ADIPOR2: variants seen among roughly 807,000 people sequenced by gnomAD.
ADIPOR2 encodes the protein adiponectin receptor protein 2.
ADIPOR2 carries 18 observed loss-of-function variants against 40.9 expected under a neutral mutation model. That is an observed-to-expected ratio of 0.44 (90% confidence interval 0.30 to 0.65). ADIPOR2 has a LOEUF of 0.65. Ranked by LOEUF, ADIPOR2 falls within the 30% of genes least tolerant of loss-of-function variation. The pLI is 0.09. For missense variants in ADIPOR2, 283 were observed against 479.2 expected (o/e 0.59, Z 3.82); for synonymous variants, 165 against 166.4 (o/e 0.99, Z 0.06).
chr12:1,719,176 C>T (rs924261069), intron 1 of ADIPOR2, among the ~76,000 whole-genome samples: 2 of 150,954 alleles, frequency 1.3e-5, no homozygotes, highest in African/African-American at 4.9e-5. Flanking sequence ...TGAGACTTTT[C>T]TACTCAAAAA....
intron 1 of ADIPOR2, among the ~76,000 whole-genome samples, chr12:1,693,926 G>A (rs1051392599): frequency 6.6e-6 from 1 of 152,118 alleles, no homozygotes; most frequent in Non-Finnish European, 1.5e-5. Flanking sequence ...CTAGAAAGGG[G>A]CTTATGAACC....
intron 1 of ADIPOR2, among the ~76,000 whole-genome samples, chr12:1,729,455 A>G (rs1197597621): frequency 6.6e-6 from 1 of 151,438 alleles, no homozygotes; most frequent in Non-Finnish European, 1.5e-5. Flanking sequence ...TTTAAAAAAT[A>G]ATATATTTAT....
chr12:1,718,757 A>G (rs973525886), intron 1 of ADIPOR2, among the ~76,000 whole-genome samples: 1 of 152,142 alleles, frequency 6.6e-6, no homozygotes, highest in Non-Finnish European at 1.5e-5. Context: ...GCAGGCTTTC[A>G]CTGTCTTTTT....
chr12:1,726,566 A>G (rs1410209193), intron 1 of ADIPOR2, among the ~76,000 whole-genome samples: 1 of 152,142 alleles, frequency 6.6e-6, no homozygotes, highest in Non-Finnish European at 1.5e-5. Flanking sequence ...GGTATTTGAG[A>G]GTCAAGAGAT....
At chr12:1,739,708 A>G (rs73040750) in intron 1 of ADIPOR2, among the ~76,000 whole-genome samples, 8,860 of 152,320 alleles carry the variant, frequency 0.058, 364 homozygotes, top group Non-Finnish European at 0.095. Flanking sequence ...CTTTTATTAT[A>G]GAAAAAGTTT....
At position 1,771,162 on chromosome 12, in the gene ADIPOR2, G is replaced by T. The variant is rs533822061; in HGVS notation, c.172-1680G>T. On this transcript the variant is annotated intron_variant, in intron 2 of 7. Coordinates refer to ENST00000357103, the MANE Select transcript of ADIPOR2 (RefSeq NM_024551.3). ...ACACAGACCTCGTCTCTACACACAC[G>T]CATGTGCACACAACAGACACAGTGG... Among the ~76,000 whole-genome samples, 3 of 152,234 alleles carry T rather than the reference G, an allele frequency of 2.0e-5. No individual in the cohort carries two copies. In the South Asian group the frequency reaches 6.2e-4, roughly 32 times the overall value.
intron 1 of ADIPOR2, among the ~76,000 whole-genome samples, chr12:1,711,254 TGA>T (rs1448099200): frequency 1.3e-5 from 2 of 152,102 alleles, no homozygotes; most frequent in Non-Finnish European, 2.9e-5. Context: ...AGAAATCCTT[TGA>T]GAGTGTGTGG....
chr12:1,759,325 A>G (rs1862219031), intron 2 of ADIPOR2, among the ~76,000 whole-genome samples: 1 of 152,216 alleles, frequency 6.6e-6, no homozygotes, highest in Admixed American at 6.5e-5. Flanking sequence ...GAAGATGCAG[A>G]TCTTAACTAA....
chr12:1,764,710 C>T (rs1363142375), intron 2 of ADIPOR2, among the ~76,000 whole-genome samples: 1 of 152,074 alleles, frequency 6.6e-6, no homozygotes, highest in African/African-American at 2.4e-5. Context: ...TCCCACTCCC[C>T]CAAAGGTAAC....
chr12:1,709,829 C>T (rs915020214), intron 1 of ADIPOR2, among the ~76,000 whole-genome samples: 1 of 152,168 alleles, frequency 6.6e-6, no homozygotes, highest in Non-Finnish European at 1.5e-5. Context: ...ACATTTTGGC[C>T]TACAAGAATG....
rs190643710 is a variant in ADIPOR2, at chr12:1,748,334, C to T, written c.-86-5924C>T. Among the ~76,000 whole-genome samples the T allele has an allele frequency of 7.3e-3, 1,115 of 152,076 alleles. 10 individuals carry two copies. Among genetic ancestry groups the T allele is most frequent in the East Asian group, 0.026 (136 of 5,156 alleles). On this transcript the variant is annotated intron_variant, in intron 1 of 7. Coordinates refer to ENST00000357103, the MANE Select transcript of ADIPOR2 (RefSeq NM_024551.3). ...CGCGATCTCGGCTCACTGCAAACTC[C>T]GCCTCCCGGGTTCACGCCATTCTCC...
chr12:1,782,592 C>A (rs1009867196), intron 6 of ADIPOR2, among the ~76,000 whole-genome samples: 1 of 152,040 alleles, frequency 6.6e-6, no homozygotes, highest in East Asian at 1.9e-4. Flanking sequence ...ATATAAATTA[C>A]AAAACTTTAA....
rs1229651340 is a variant in ADIPOR2 at position 1,754,365 on chromosome 12, C to T, written c.22C>T (p.Arg8Ter). The T allele has an allele frequency of 2.5e-6, 4 of 1,607,546 alleles. No homozygotes were observed. Among genetic ancestry groups the T allele is most frequent in the Admixed American group, 1.7e-5 (1 of 59,048 alleles). Residue 8 changes from arginine to a stop codon, truncating the protein, a stop_gained, in exon 2 of 8, where the codon CGA (arginine) becomes TGA (stop). Transcript: ENST00000357103. LOFTEE classifies it high-confidence loss of function. The part of the protein sequence containing the change: MNEPTEN[R>*]LGCSRTPEPD... ...TCCCATGAACGAGCCAACAGAAAACCGATTGGGGTGCAGCAGGACTCCAGA... is the reference window on the plus strand; with the variant it reads ...TCCCATGAACGAGCCAACAGAAAACTGATTGGGGTGCAGCAGGACTCCAGA...
intron 1 of ADIPOR2, among the ~76,000 whole-genome samples, chr12:1,724,007 A>G (rs898922383): frequency 1.8e-4 from 28 of 151,430 alleles, no homozygotes; most frequent in African/African-American, 5.3e-4. Flanking sequence ...TGGGAGACAG[A>G]GTCTTGCACT....
At chr12:1,692,086 CT>C (rs5795977) in intron 1 of ADIPOR2, among the ~76,000 whole-genome samples, 140 of 146,336 alleles carry the variant, frequency 9.6e-4, no homozygotes, top group African/African-American at 3.0e-3. Context: ...CAAAAGCAGA[CT>C]TTTTTTTTTT....
At chr12:1,703,392 G>A (rs538959813) in intron 1 of ADIPOR2, among the ~76,000 whole-genome samples, 1 of 152,124 alleles carries the variant, frequency 6.6e-6, no homozygotes, top group South Asian at 2.1e-4. Context: ...GTGTGTTTGT[G>A]TTGCTTTAAT....
intron 1 of ADIPOR2, among the ~76,000 whole-genome samples, chr12:1,705,107 A>C (rs974972824): frequency 2.6e-5 from 4 of 152,180 alleles, no homozygotes; most frequent in African/African-American, 9.7e-5. Flanking sequence ...ATAATGGGAG[A>C]AAGGTGCTTT....
At chr12:1,732,506 G>A (rs1363217090) in intron 1 of ADIPOR2, among the ~76,000 whole-genome samples, 1 of 152,062 alleles carries the variant, frequency 6.6e-6, no homozygotes, top group Non-Finnish European at 1.5e-5. Flanking sequence ...TTTTATTGCT[G>A]AATAGTACAC....
At chr12:1,745,980 T>C (rs955928281) in intron 1 of ADIPOR2, among the ~76,000 whole-genome samples, 6 of 152,266 alleles carry the variant, frequency 3.9e-5, no homozygotes, top group Non-Finnish European at 7.4e-5. Context: ...TACTAAAGAA[T>C]GTAAAATAAA....
Sources: gnomAD v4.1 joint callset for allele counts (sites outside exome capture counted in the v4.1 genomes callset) on GRCh38, gnomAD v4.1.1 for gene constraint, MANE v1.5 for transcripts, NCBI Gene and HGNC (gene_info 2026-07-23, HGNC 2026-07-21) for gene names.